Variants in ADCY1 observed in about 807,000 individuals in gnomAD.
The protein encoded by ADCY1 is adenylate cyclase type 1.
Under a neutral mutation model 105.4 loss-of-function variants are expected in ADCY1, and 28 were observed. The observed-to-expected ratio is 0.27, with a 90% confidence interval of 0.20 to 0.36. The LOEUF is 0.36. Among genes scored for constraint, ADCY1 ranks in the 10% least tolerant of loss-of-function variants. The pLI is 1.00. For missense variants in ADCY1, 977 were observed against 1,434.2 expected (o/e 0.68, Z 5.15); for synonymous variants, 655 against 623.8 (o/e 1.05, Z -0.75).
rs1018358594 is a variant in ADCY1 at position 45,717,279 on chromosome 7, G to T, written c.*3284G>T. ...AGGACCCCATGGCAGACTTGGCAAGGTCTCCACTTCAGGGGCAAACATCTC... is the reference window on the plus strand; with the variant it reads ...AGGACCCCATGGCAGACTTGGCAAGTTCTCCACTTCAGGGGCAAACATCTC... On this transcript the variant is annotated 3_prime_UTR_variant, in exon 20 of 20. Transcript: ENST00000297323. The T allele has an allele frequency of 2.0e-5, 3 of 152,220 alleles. No homozygotes were observed. The highest frequency in any genetic ancestry group is 7.2e-5 in the African/African-American group (3 of 41,418). The allele number at this position is 152,220 out of a possible 1,614,324, so 9.4% of individuals were successfully genotyped here.
intron 7 of ADCY1, among the ~76,000 whole-genome samples, chr7:45,661,598 A>G (rs1044876504): frequency 6.6e-6 from 1 of 152,146 alleles, no homozygotes; most frequent in African/African-American, 2.4e-5. Flanking sequence ...CACCCAGAAC[A>G]TGAGGACTGT....
Position 45,679,727 on chromosome 7 carries a change from C to T in ADCY1, c.1917C>T (p.Leu639=). 3 of 1,614,220 alleles carry T rather than the reference C, an allele frequency of 1.9e-6. No individual in the cohort carries two copies. The highest frequency in any genetic ancestry group is 2.5e-6 in the Non-Finnish European group (3 of 1,180,044). ...CCCCCAGGAGTGTGGTCGTCCTGCT[C>T]CTGCTAGTATTCTGCATCTGCTTCC... ...LIFPQSVVVL[L]LLVFCICFLV... The change falls in exon 11 of 20, where the codon CTC becomes CTT. Residue 639 remains leucine (L), a synonymous_variant. Transcript: ENST00000297323.
Position 45,582,888 on chromosome 7 carries a change from TA to T in ADCY1, c.639+7707del, listed in dbSNP as rs577191274. On this transcript the variant is annotated intron_variant, in intron 1 of 19. Coordinates refer to ENST00000297323, the MANE Select transcript of ADCY1 (RefSeq NM_021116.4). ...AGAATAGGAGCCCACCGCAGCAGCC[TA>T]GCTCTGGCTTTGTGCTGAAGGCAGC... Among the ~76,000 whole-genome samples the T allele has an allele frequency of 1.1e-3, 167 of 152,326 alleles. 1 individual carries two copies. Among genetic ancestry groups the T allele is most frequent in the African/African-American group, 3.9e-3 (161 of 41,566 alleles).
At chr7:45,682,238 C>T (rs556349995) in intron 11 of ADCY1, among the ~76,000 whole-genome samples, 4 of 152,234 alleles carry the variant, frequency 2.6e-5, no homozygotes, top group Non-Finnish European at 4.4e-5. Context: ...TAGCTCATCC[C>T]GGGAATCAGG....
At chr7:45,705,764 G>A (rs1193008958) in intron 17 of ADCY1, among the ~76,000 whole-genome samples, 3 of 152,170 alleles carry the variant, frequency 2.0e-5, no homozygotes, top group Non-Finnish European at 2.9e-5. Context: ...GAATCTGCTT[G>A]CAGATGACAT....
At chr7:45,634,655 A>G (rs1410858449) in intron 4 of ADCY1, among the ~76,000 whole-genome samples, 4 of 152,100 alleles carry the variant, frequency 2.6e-5, no homozygotes, top group African/African-American at 9.7e-5. Context: ...CTTTAAGATG[A>G]TGGGAAAATG....
At chr7:45,595,717 T>G (rs1253990490) in intron 2 of ADCY1, among the ~76,000 whole-genome samples, 2 of 152,260 alleles carry the variant, frequency 1.3e-5, no homozygotes, top group East Asian at 3.8e-4. Flanking sequence ...GATCATTTTC[T>G]TTCATGATTT....
At chr7:45,578,018 G>C (rs1309073755) in intron 1 of ADCY1, among the ~76,000 whole-genome samples, 3 of 152,208 alleles carry the variant, frequency 2.0e-5, no homozygotes, top group Non-Finnish European at 4.4e-5. Flanking sequence ...AGGCTCTCAG[G>C]GTTCCCTGCA....
At chr7:45,712,750 A>C (rs1049162188) in intron 19 of ADCY1, among the ~76,000 whole-genome samples, 8 of 152,298 alleles carry the variant, frequency 5.3e-5, no homozygotes, top group Admixed American at 4.6e-4. Context: ...GGAAGTTCCA[A>C]GATCACACCT....
intron 2 of ADCY1, among the ~76,000 whole-genome samples, chr7:45,604,718 ATTG>A (rs1793329660): frequency 6.6e-6 from 1 of 152,092 alleles, no homozygotes; most frequent in South Asian, 2.1e-4. Flanking sequence ...TGTCTGGATT[ATTG>A]TTGTTTTATA....
chr7:45,589,440 C>G (rs938667075), intron 1 of ADCY1, among the ~76,000 whole-genome samples: 1 of 152,310 alleles, frequency 6.6e-6, no homozygotes, highest in East Asian at 1.9e-4. Context: ...TCGTGGTGAC[C>G]CGAGCCTGCC....
At chr7:45,581,491 C>T (rs547001080) in intron 1 of ADCY1, among the ~76,000 whole-genome samples, 17 of 152,308 alleles carry the variant, frequency 1.1e-4, no homozygotes, top group African/African-American at 2.2e-4. Flanking sequence ...CAGCCCCAGT[C>T]GGAGGTGGCC....
chr7:45,654,697 G>T (rs1166237842), intron 5 of ADCY1, among the ~76,000 whole-genome samples: 1 of 152,224 alleles, frequency 6.6e-6, no homozygotes, highest in Non-Finnish European at 1.5e-5. Flanking sequence ...TTCAGAGCCA[G>T]ACCTGTTGAT....
At chr7:45,583,714 C>T in intron 1 of ADCY1, among the ~76,000 whole-genome samples, 1 of 152,006 alleles carries the variant, frequency 6.6e-6, no homozygotes, top group East Asian at 1.9e-4. Context: ...TGTCTCGGCT[C>T]ACCACAACCT....
intron 6 of ADCY1, among the ~76,000 whole-genome samples, chr7:45,659,076 C>T (rs1229490156): frequency 2.0e-5 from 3 of 152,196 alleles, no homozygotes; most frequent in African/African-American, 7.2e-5. Context: ...TGCAGCCTCT[C>T]TTCCTGGCCT....
chr7:45,659,278 C>G (rs187517623), intron 6 of ADCY1, among the ~76,000 whole-genome samples: 2 of 152,328 alleles, frequency 1.3e-5, no homozygotes, highest in East Asian at 3.9e-4. Flanking sequence ...CTCAGCCAGC[C>G]TTAGAGTTTA....
rs778295490 is a variant in ADCY1 at position 45,574,951 on chromosome 7, C to G, written c.408C>G (p.Leu136=). ...TCTTCAGCCTCACCTTCGCGCTGCT[C>G]TGCTGTCCTTTCGCGCTGGGCGGCC... ...ALLFSLTFAL[L]CCPFALGGPA... Residue 136 remains leucine, a synonymous_variant, in exon 1 of 20, where the codon CTC becomes CTG. Coordinates refer to ENST00000297323, the MANE Select transcript of ADCY1 (RefSeq NM_021116.4). This position sits in a 1 kb window ranked among gnomAD's most constrained non-coding sequence, Gnocchi z 7.0. The G allele has an allele frequency of 1.2e-6, 2 of 1,612,008 alleles. No homozygotes were observed. Among genetic ancestry groups the G allele is most frequent in the Admixed American group, 1.7e-5 (1 of 59,994 alleles).
chr7:45,658,688 A>G (rs777178515), intron 6 of ADCY1, among the ~76,000 whole-genome samples: 1 of 152,198 alleles, frequency 6.6e-6, no homozygotes, highest in Non-Finnish European at 1.5e-5. Flanking sequence ...GATGGAATGG[A>G]TGAAGCATCA....
chr7:45,688,149 T>A (rs1161059971), intron 14 of ADCY1, among the ~76,000 whole-genome samples: 1 of 152,256 alleles, frequency 6.6e-6, no homozygotes, highest in Admixed American at 6.5e-5. Context: ...AGGTTGGGCC[T>A]GGCATCAGGT....
Sources: gnomAD v4.1 joint callset for allele counts (sites outside exome capture counted in the v4.1 genomes callset) on GRCh38, gnomAD v4.1.1 for gene constraint, Gnocchi (gnomAD v3.1) non-coding constraint, MANE v1.5 for transcripts, NCBI Gene and HGNC (gene_info 2026-07-23, HGNC 2026-07-21) for gene names.